The following ARHGEF12 variants were observed in gnomAD, a reference collection of about 807,000 sequenced individuals.
ARHGEF12 encodes Rho guanine nucleotide exchange factor 12, also known as KMT2A/ARHGEF12 fusion protein.
ARHGEF12 carries 66 observed loss-of-function variants against 211.2 expected under a neutral mutation model. The observed-to-expected ratio is 0.31, with a 90% CI of 0.26 to 0.38. The LOEUF is 0.38. Among genes scored for constraint, ARHGEF12 ranks in the 10% least tolerant of loss-of-function variants. ARHGEF12 has a pLI of 1.00. For synonymous variants in ARHGEF12, 592 were observed against 638.4 expected (o/e 0.93, Z 1.09); for missense variants, 1,429 against 1,869.5 (o/e 0.76, Z 4.34).
rs1431886062 is a variant in ARHGEF12, at chr11:120,475,364, A to G, written c.3134A>G (p.Asp1045Gly). The part of the protein sequence containing the change: ...TIDLYTLLLE[D>G]ILVLLQKQDD... ...GATTTATACACGTTGCTGCTGGAAG[A>G]CATTCTTGTATTGTTACAAAAGCAG... The change falls in exon 33 of 41, where the codon GAC becomes GGC. Residue 1045 changes from aspartate (D) to glycine (G), a missense_variant. This residue lies in a region of ARHGEF12 where 223 missense variants were observed against 444.6 expected (regional missense o/e 0.50). Coordinates refer to ENST00000397843, the MANE Select transcript of ARHGEF12 (RefSeq NM_015313.3). 1 of 1,614,032 alleles carries G rather than the reference A, an allele frequency of 6.2e-7. No individual in the cohort carries two copies. Among genetic ancestry groups the G allele is most frequent in the Non-Finnish European group, 8.5e-7 (1 of 1,179,958 alleles).
rs183880772 is a variant in ARHGEF12, at chr11:120,381,304, G to T, written c.33-24814G>T. ...TCTGATTATAATCCATTACCACAAG[G>T]TTCACTCTAGTCCTCCTTTTTAATC... On this transcript the variant is annotated intron_variant, in intron 1 of 40. Coordinates refer to ENST00000397843, the MANE Select transcript of ARHGEF12 (RefSeq NM_015313.3). Among the ~76,000 whole-genome samples the T allele has an allele frequency of 8.5e-5, 13 of 152,148 alleles. No homozygotes were observed. The East Asian group carries it at 2.3e-3, about 27-fold the overall frequency.
intron 1 of ARHGEF12, among the ~76,000 whole-genome samples, chr11:120,367,035 A>G (rs1565431761): frequency 6.6e-6 from 1 of 152,006 alleles, no homozygotes; most frequent in Non-Finnish European, 1.5e-5. Flanking sequence ...AAGAAATTTA[A>G]TAAGTCACTG....
chr11:120,363,685 C>G (rs1449621260), intron 1 of ARHGEF12, among the ~76,000 whole-genome samples: 1 of 152,146 alleles, frequency 6.6e-6, no homozygotes, highest in Non-Finnish European at 1.5e-5. Context: ...AATATGAACT[C>G]ACTTCTTGGC....
rs1946379828 is a variant in ARHGEF12 at position 120,456,910 on chromosome 11, A to G, written c.2057-208A>G. On this transcript the variant is annotated intron_variant, in intron 22 of 40. Coordinates refer to ENST00000397843, the MANE Select transcript of ARHGEF12 (RefSeq NM_015313.3). ...CTACTTGGAAGGCTGAGATGGAAGG[A>G]TCATATGAGGCTGAGATGGGAGGAT... 6.3e-6 allele frequency: 3 copies of G among 475,606 alleles called. No homozygotes were observed. The East Asian group carries it at 1.1e-4, about 17-fold the overall frequency. 29.5% of individuals were successfully genotyped at this position (475,606 alleles called of 1,614,324 possible). A position where few individuals can be genotyped will look rare whatever the true frequency, so the allele number is the denominator to read the frequency against.
intron 1 of ARHGEF12, among the ~76,000 whole-genome samples, chr11:120,358,218 G>GA (rs1943182069): frequency 6.6e-6 from 1 of 152,112 alleles, no homozygotes; most frequent in South Asian, 2.1e-4. Context: ...TAATCCATAT[G>GA]AAAAATGATA....
chr11:120,460,795 G>A, intron 27 of ARHGEF12, 38 bp downstream of exon 27: 1 of 1,523,046 alleles, frequency 6.6e-7, no homozygotes, highest in Non-Finnish European at 9.1e-7. Context: ...TATTTTTATG[G>A]ACACTTGATG....
At chr11:120,368,013 G>A (rs1010033765) in intron 1 of ARHGEF12, among the ~76,000 whole-genome samples, 4 of 152,066 alleles carry the variant, frequency 2.6e-5, no homozygotes, top group Admixed American at 1.3e-4. Context: ...AAATAAGACC[G>A]AAAGATTTCA....
At chr11:120,424,291 T>G in intron 6 of ARHGEF12, 67 bp from the exon 7 acceptor site, 5 of 1,101,874 alleles carry the variant, frequency 4.5e-6, no homozygotes, top group East Asian at 2.4e-5. Flanking sequence ...ATGATAATTC[T>G]TGAAGTCATT....
chr11:120,345,426 G>A (rs1045781402), intron 1 of ARHGEF12, among the ~76,000 whole-genome samples: 15 of 152,134 alleles, frequency 9.9e-5, no homozygotes, highest in African/African-American at 3.4e-4. Context: ...ATAACAGGCC[G>A]GGCGTAGTGG....
chr11:120,470,601 G>A (rs1057106247), intron 30 of ARHGEF12, among the ~76,000 whole-genome samples: 6 of 152,214 alleles, frequency 3.9e-5, no homozygotes, highest in Non-Finnish European at 5.9e-5. Flanking sequence ...GATTGAATCC[G>A]TGAACACGGA....
chr11:120,429,897 G>C (rs1945474437), intron 10 of ARHGEF12, 66 bp downstream of exon 10: 3 of 1,552,878 alleles, frequency 1.9e-6, no homozygotes, highest in Non-Finnish European at 2.6e-6. Flanking sequence ...GAATGTGTCA[G>C]AGAATGTTGC....
At chr11:120,447,377 A>G in intron 18 of ARHGEF12, 1 of 295,886 alleles carries the variant, frequency 3.4e-6, no homozygotes, top group Non-Finnish European at 6.2e-6. Flanking sequence ...CCTTGGAAAT[A>G]TTTCTTGCCA....
Position 120,487,521 on chromosome 11 carries a change from T to G in ARHGEF12, c.*2444T>G. On this transcript the variant is annotated 3_prime_UTR_variant, in exon 41 of 41. Transcript: ENST00000397843. ...CATTATAGTCACATCCGTTTGACTT[T>G]GGTTGTGACATCTTCCTTTCAGGAT... 4.7e-6 allele frequency: 1 copy of G among 214,362 alleles called. No homozygotes were observed. The highest frequency in any genetic ancestry group is 2.3e-5 in the African/African-American group (1 of 44,374). 13.3% of individuals were successfully genotyped at this position (214,362 alleles called of 1,614,324 possible).
rs996372869 is a variant in ARHGEF12 at position 120,337,149 on chromosome 11, G to A, written c.-95G>A. 2.7e-6 allele frequency: 4 copies of A among 1,460,760 alleles called. No individual in the cohort carries two copies. The highest frequency in any genetic ancestry group is 3.8e-6 in the Non-Finnish European group (4 of 1,041,056). 90.5% of individuals were successfully genotyped at this position (1,460,760 alleles called of 1,614,324 possible). On this transcript the variant is annotated 5_prime_UTR_variant, in exon 1 of 41. Transcript: ENST00000397843. ...GAGTTGGACTTTTGTGTCCCTGACGGAGTTGGGCCTGATCCCAGAGCACTG... is the reference window on the plus strand; with the variant it reads ...GAGTTGGACTTTTGTGTCCCTGACGAAGTTGGGCCTGATCCCAGAGCACTG...
At chr11:120,381,071 C>T (rs959082028) in intron 1 of ARHGEF12, among the ~76,000 whole-genome samples, 3 of 152,150 alleles carry the variant, frequency 2.0e-5, no homozygotes, top group Non-Finnish European at 4.4e-5. Flanking sequence ...TTTGAAGGAA[C>T]TAGCATTCCT....
intron 1 of ARHGEF12, among the ~76,000 whole-genome samples, chr11:120,355,368 A>T (rs1367624039): frequency 6.6e-6 from 1 of 152,188 alleles, no homozygotes; most frequent in Non-Finnish European, 1.5e-5. Flanking sequence ...GTAACCATGA[A>T]CACCAGCTTC....
At chr11:120,478,094 T>G (rs1019934947) in intron 36 of ARHGEF12, 62 bp from the exon 37 acceptor site, 2 of 1,130,668 alleles carry the variant, frequency 1.8e-6, no homozygotes, top group Admixed American at 4.6e-5. Context: ...CCCTGAATGC[T>G]TCATGTTAAA....
At chr11:120,337,848 T>A in intron 1 of ARHGEF12, 1 of 985,458 alleles carries the variant, frequency 1.0e-6, no homozygotes, top group Non-Finnish European at 1.2e-6. Flanking sequence ...GGAAGCAATG[T>A]CCAGGAGCTG....
intron 1 of ARHGEF12, among the ~76,000 whole-genome samples, chr11:120,405,694 T>G (rs1389607506): frequency 6.6e-6 from 1 of 152,140 alleles, no homozygotes. Flanking sequence ...GAATAATATT[T>G]TAATGGCAAA....
Sources: gnomAD v4.1 joint callset for allele counts (sites outside exome capture counted in the v4.1 genomes callset) on GRCh38, gnomAD v4.1.1 for gene constraint, gnomAD v4.1.1 regional missense constraint, MANE v1.5 for transcripts, NCBI Gene and HGNC (gene_info 2026-07-23, HGNC 2026-07-21) for gene names.